Variants in ABCA13 observed in about 807,000 individuals in gnomAD.
ABCA13 encodes the protein ATP-binding cassette sub-family A member 13.
In ABCA13, 476 loss-of-function variants were observed where a neutral mutation model predicts 478.7. That is an observed-to-expected ratio of 0.99 (90% CI 0.92 to 1.07). The LOEUF (loss-of-function observed/expected upper bound fraction) is 1.07. Ranked by LOEUF, ABCA13 falls within the 50% of genes least tolerant of loss-of-function variation. The pLI is 0.00. For synonymous variants in ABCA13, 2,252 were observed against 2,158.9 expected (o/e 1.04, Z -1.20); for missense variants, 6,060 against 5,910.6 (o/e 1.03, Z -0.83).
At chr7:48,284,886 A>G (rs188970707) in intron 19 of ABCA13, among the ~76,000 whole-genome samples, 120 of 152,336 alleles carry the variant, frequency 7.9e-4, no homozygotes, top group Non-Finnish European at 1.2e-3. Flanking sequence ...GTGGGCAAAT[A>G]GCCCCTCCTC....
chr7:48,323,039 G>T (rs1390840468), intron 27 of ABCA13, among the ~76,000 whole-genome samples: 1 of 152,138 alleles, frequency 6.6e-6, no homozygotes, highest in African/African-American at 2.4e-5. Flanking sequence ...CCTCTTTATT[G>T]CCAAGTGGTA....
intron 58 of ABCA13, among the ~76,000 whole-genome samples, chr7:48,602,750 T>C (rs952648112): frequency 2.6e-5 from 4 of 152,112 alleles, no homozygotes; most frequent in East Asian, 3.9e-4. Flanking sequence ...GTTTTTTTTT[T>C]CCAATTCTGT....
chr7:48,299,245 C>T (rs899876373), intron 23 of ABCA13, among the ~76,000 whole-genome samples: 2 of 152,142 alleles, frequency 1.3e-5, no homozygotes, highest in African/African-American at 2.4e-5. Flanking sequence ...CGTAAGTGAA[C>T]GTTGCAATTG....
At chr7:48,611,298 A>T (rs1481652048) in intron 58 of ABCA13, among the ~76,000 whole-genome samples, 1 of 152,172 alleles carries the variant, frequency 6.6e-6, no homozygotes, top group African/African-American at 2.4e-5. Context: ...AGGAAGTTCC[A>T]AACTCCCTTA....
chr7:48,247,807 G>A (rs1429763112), intron 13 of ABCA13, among the ~76,000 whole-genome samples: 1 of 152,096 alleles, frequency 6.6e-6, no homozygotes, highest in Non-Finnish European at 1.5e-5. Flanking sequence ...AGGAGGGAGA[G>A]TAGGAGCTGC....
At chr7:48,266,638 TCAAA>T (rs1167884647) in intron 15 of ABCA13, among the ~76,000 whole-genome samples, 1 of 151,876 alleles carries the variant, frequency 6.6e-6, no homozygotes, top group East Asian at 1.9e-4. Flanking sequence ...ATTGATCTTC[TCAAA>T]CAACCAGCCT....
intron 55 of ABCA13, among the ~76,000 whole-genome samples, chr7:48,533,411 C>A (rs1833368253): frequency 6.6e-6 from 1 of 151,936 alleles, no homozygotes; most frequent in Non-Finnish European, 1.5e-5. Flanking sequence ...TGTTTTGTGT[C>A]CTATCATATG....
At chr7:48,587,132 C>T in intron 56 of ABCA13, 22 bp from the exon 57 acceptor site, 1 of 1,612,484 alleles carries the variant, frequency 6.2e-7, no homozygotes, top group Non-Finnish European at 8.5e-7. Context: ...CTGGTGTGCA[C>T]ATGGACATGC....
At chr7:48,571,040 A>G (rs530532401) in intron 55 of ABCA13, among the ~76,000 whole-genome samples, 4 of 152,288 alleles carry the variant, frequency 2.6e-5, no homozygotes, top group Non-Finnish European at 5.9e-5. Context: ...TCTAATTTAG[A>G]TTAATACCAA....
intron 42 of ABCA13, among the ~76,000 whole-genome samples, chr7:48,453,180 A>G (rs895979229): frequency 1.3e-5 from 2 of 152,028 alleles, no homozygotes; most frequent in Non-Finnish European, 2.9e-5. Context: ...GAGAATTTCA[A>G]TCTTCTGGGA....
intron 31 of ABCA13, among the ~76,000 whole-genome samples, chr7:48,358,435 G>A (rs186535013): frequency 1.4e-4 from 22 of 151,928 alleles, no homozygotes; most frequent in Admixed American, 1.4e-3. Flanking sequence ...CAATTGTTGT[G>A]TGATAAATGA....
chr7:48,303,182 GTTGT>G (rs1221278430), intron 23 of ABCA13, among the ~76,000 whole-genome samples: 6 of 151,938 alleles, frequency 3.9e-5, no homozygotes, highest in African/African-American at 1.2e-4. Flanking sequence ...TTTTAATGAG[GTTGT>G]TTGTTTTTTT....
In ABCA13 at chr7:48,376,128, A is replaced by G. The variant is rs546462407; in HGVS notation, c.11204-313A>G. Among the ~76,000 whole-genome samples the G allele has an allele frequency of 3.3e-5, 5 of 152,272 alleles. No homozygotes were observed. In the South Asian group the frequency reaches 1.0e-3, roughly 32 times the overall value. On this transcript the variant is annotated intron_variant, in intron 34 of 61. Coordinates refer to ENST00000435803, the MANE Select transcript of ABCA13 (RefSeq NM_152701.5). ...CTTTAAAAAATTTTTTTGAATGCTTATTTTCCTTAAATATAAAGTCCTTTC... is the reference window on the plus strand; with the variant it reads ...CTTTAAAAAATTTTTTTGAATGCTTGTTTTCCTTAAATATAAAGTCCTTTC...
At position 48,544,206 on chromosome 7, in the gene ABCA13, G is replaced by A. The variant is rs563982177; in HGVS notation, c.14354+15861G>A. Among the ~76,000 whole-genome samples, 5 of 151,544 alleles carry A rather than the reference G, an allele frequency of 3.3e-5. 1 individual carries two copies. Among genetic ancestry groups the A allele is most frequent in the South Asian group, 4.2e-4 (2 of 4,790 alleles). ...CACAAGAAAGGAGGGAAATTTCCAG[G>A]TGCCATAAAAGAAGAAACCAACAAA... On this transcript the variant is annotated intron_variant, in intron 55 of 61. Transcript: ENST00000435803.
At chr7:48,542,500 A>G (rs181935394) in intron 55 of ABCA13, among the ~76,000 whole-genome samples, 1 of 151,826 alleles carries the variant, frequency 6.6e-6, no homozygotes, top group Admixed American at 6.6e-5. Context: ...ACCCAAGAAG[A>G]TCAATTAAGA....
At chr7:48,392,598 T>G (rs887397263) in intron 38 of ABCA13, among the ~76,000 whole-genome samples, 4 of 152,128 alleles carry the variant, frequency 2.6e-5, no homozygotes, top group African/African-American at 9.7e-5. Flanking sequence ...AAAAAGAGCC[T>G]TATTAGTCAT....
Position 48,372,163 on chromosome 7 carries a change from G to T in ABCA13, c.10804-5G>T, listed in dbSNP as rs1284860751. 12 of 1,602,972 alleles carry T rather than the reference G, an allele frequency of 7.5e-6. No individual in the cohort carries two copies. Among genetic ancestry groups the T allele is most frequent in the Admixed American group, 6.8e-5 (4 of 58,530 alleles). On this transcript the variant is annotated splice_polypyrimidine_tract_variant and splice_region_variant and intron_variant, in intron 32 of 61. Coordinates refer to ENST00000435803, the MANE Select transcript of ABCA13 (RefSeq NM_152701.5). ...GTAACCTTGGGTTTTTTCTCTTTTT[G>T]GTAGTATATGCGGATGATGGGAGTG...
intron 42 of ABCA13, among the ~76,000 whole-genome samples, chr7:48,451,292 C>G (rs1306585651): frequency 6.6e-6 from 1 of 151,942 alleles, no homozygotes; most frequent in South Asian, 2.1e-4. Flanking sequence ...AGCCATCGCG[C>G]CCAGCAAGAT....
chr7:48,467,068 A>T, intron 44 of ABCA13, 23 bp downstream of exon 44: 1 of 1,598,722 alleles, frequency 6.3e-7, no homozygotes, highest in Non-Finnish European at 8.6e-7. Flanking sequence ...TGCTCTCTGC[A>T]AAAGTGAACA....
Sources: allele counts gnomAD v4.1 joint callset (sites outside exome capture counted in the v4.1 genomes callset), GRCh38; gene constraint gnomAD v4.1.1; transcripts MANE v1.5; gene names NCBI Gene and HGNC (gene_info 2026-07-23, HGNC 2026-07-21).